The following CLDN10 variants were observed in gnomAD, a reference collection of about 807,000 sequenced individuals.
The protein encoded by CLDN10 is claudin-10.
In CLDN10, 15 loss-of-function variants were observed where a neutral mutation model predicts 22.9. The observed-to-expected ratio is 0.65, with a 90% CI of 0.44 to 1.01. The LOEUF (loss-of-function observed/expected upper bound fraction) is 1.01, where lower values mean the gene tolerates loss of function less well. Ranked by LOEUF, CLDN10 falls within the 50% of genes least tolerant of loss-of-function variation. The pLI is 0.00. For synonymous variants in CLDN10, 114 were observed against 111.4 expected (o/e 1.02, Z -0.15); for missense variants, 247 against 287.8 (o/e 0.86, Z 1.03).
At chr13:95,460,640 T>A (rs902264386) in intron 1 of CLDN10, among the ~76,000 whole-genome samples, 1 of 152,114 alleles carries the variant, frequency 6.6e-6, no homozygotes, top group Non-Finnish European at 1.5e-5. Context: ...TGTGAAGATT[T>A]TACGAGGATT....
intron 1 of CLDN10, among the ~76,000 whole-genome samples, chr13:95,458,999 G>T (rs1323153536): frequency 1.3e-5 from 2 of 152,172 alleles, no homozygotes; most frequent in African/African-American, 4.8e-5. Flanking sequence ...AAACAAAGGG[G>T]CTACAGACCC....
chr13:95,563,132 CTCTG>C (rs1555300143), intron 3 of CLDN10, among the ~76,000 whole-genome samples: 24 of 142,154 alleles, frequency 1.7e-4, no homozygotes, highest in Non-Finnish European at 3.0e-4. Flanking sequence ...CTCTCTCTCT[CTCTG>C]TCTGTATTCT....
chr13:95,501,444 G>C (rs1353103071), intron 1 of CLDN10, among the ~76,000 whole-genome samples: 1 of 152,208 alleles, frequency 6.6e-6, no homozygotes, highest in Non-Finnish European at 1.5e-5. Context: ...CTCCCAAGTA[G>C]CTGGGACTAC....
chr13:95,499,892 A>T (rs1163424812), intron 1 of CLDN10, among the ~76,000 whole-genome samples: 1 of 152,238 alleles, frequency 6.6e-6, no homozygotes, highest in Non-Finnish European at 1.5e-5. Flanking sequence ...CACATAAAAT[A>T]CATGAACACT....
intron 1 of CLDN10, among the ~76,000 whole-genome samples, chr13:95,480,194 C>T (rs183335777): frequency 1.3e-5 from 2 of 150,300 alleles, no homozygotes; most frequent in Non-Finnish European, 2.9e-5. Context: ...TGACCCGCCC[C>T]CATGATTCAA....
chr13:95,525,043 G>A (rs1029131684), intron 1 of CLDN10, among the ~76,000 whole-genome samples: 1 of 151,656 alleles, frequency 6.6e-6, no homozygotes, highest in African/African-American at 2.4e-5. Context: ...ATTTTTAGTA[G>A]AGACGGGGTT....
At chr13:95,465,003 A>C (rs199953212) in intron 1 of CLDN10, among the ~76,000 whole-genome samples, 2 of 152,164 alleles carry the variant, frequency 1.3e-5, no homozygotes, top group African/African-American at 4.8e-5. Context: ...CTAGGGTAAC[A>C]GGTTGTATTA....
chr13:95,559,215 T>C (rs2043674768), intron 1 of CLDN10, among the ~76,000 whole-genome samples: 1 of 152,214 alleles, frequency 6.6e-6, no homozygotes, highest in Non-Finnish European at 1.5e-5. Flanking sequence ...TGTTTCAGGC[T>C]GAAATGAAAA....
At chr13:95,457,942 C>CA (rs1255431776) in intron 1 of CLDN10, among the ~76,000 whole-genome samples, 11 of 152,104 alleles carry the variant, frequency 7.2e-5, no homozygotes, top group African/African-American at 2.7e-4. Flanking sequence ...CAATAATGAA[C>CA]ATTCATTTCT....
chr13:95,530,239 G>GATTTAAATAA (rs1195959980), intron 1 of CLDN10, among the ~76,000 whole-genome samples: 4 of 152,178 alleles, frequency 2.6e-5, no homozygotes, highest in South Asian at 2.1e-4. Flanking sequence ...CCATCTCACA[G>GATTTAAATAA]AATCCATTTC....
chr13:95,541,585 A>AT (rs1566326694), intron 1 of CLDN10, among the ~76,000 whole-genome samples: 1 of 151,938 alleles, frequency 6.6e-6, no homozygotes, highest in Non-Finnish European at 1.5e-5. Context: ...CTCCCATTGC[A>AT]TTTTTTATTA....
intron 1 of CLDN10, among the ~76,000 whole-genome samples, chr13:95,511,751 G>T (rs1264080289): frequency 2.0e-5 from 2 of 100,758 alleles, no homozygotes; most frequent in African/African-American, 7.2e-5. Flanking sequence ...GTCATCTTAG[G>T]CAAAGATTCT....
chr13:95,565,238 A>G (rs2043769816), intron 3 of CLDN10, among the ~76,000 whole-genome samples: 1 of 152,040 alleles, frequency 6.6e-6, no homozygotes. Flanking sequence ...TTGTTTTGTT[A>G]TCCAAACCAC....
At position 95,463,284 on chromosome 13, in the gene CLDN10, T is replaced by TA. The variant is rs1176963541; in HGVS notation, c.214+29239dup. 6.9e-3 allele frequency among the ~76,000 whole-genome samples: 224 copies of TA among 32,520 alleles called. 12 individuals are homozygous for TA. The highest frequency in any genetic ancestry group is 0.016 in the South Asian group (12 of 732). The allele number at this position is 32,520 out of a possible 152,430, so 21.3% of individuals were successfully genotyped here. On this transcript the variant is annotated intron_variant, in intron 1 of 4. Transcript: ENST00000376873. ...TAGTTGAGTCAAAAGTGCAAATGCT[T>TA]AATATATATATATATATATATATAT... is the stretch of plus-strand genomic sequence containing the variant.
chr13:95,486,269 T>C (rs983246571), intron 1 of CLDN10, among the ~76,000 whole-genome samples: 2 of 152,152 alleles, frequency 1.3e-5, no homozygotes, highest in African/African-American at 4.8e-5. Flanking sequence ...CAAGATGCAA[T>C]AGGCGCATTT....
rs201303745 is a variant in CLDN10 at position 95,469,442 on chromosome 13, AGCT to A, written c.214+35396_214+35398del. 9.8e-3 allele frequency among the ~76,000 whole-genome samples: 1,497 copies of A among 152,288 alleles called. 19 individuals are homozygous for A. The highest frequency in any genetic ancestry group is 0.034 in the African/African-American group (1,407 of 41,552). On this transcript the variant is annotated intron_variant, in intron 1 of 4. Transcript: ENST00000376873. The stretch of plus-strand genomic sequence containing the variant: ...GGATGAGAGTTAAATTCACTCATGA[AGCT>A]TTTGTCTTTAGGAGGAAAATGTAAA...
Position 95,560,479 on chromosome 13 carries a change from A to G in CLDN10, c.464+16A>G, listed in dbSNP as rs201430734. On this transcript the variant is annotated intron_variant, in intron 3 of 4. Transcript: ENST00000299339. ...TTGAGCAAAAGTAAGTACTCTTCTC[A>G]GTCTGTTTCCAGCTCACAGGAAGTG... The G allele has an allele frequency of 9.5e-5, 150 of 1,586,698 alleles. No homozygotes were observed. Among genetic ancestry groups the G allele is most frequent in the Non-Finnish European group, 1.2e-4 (144 of 1,155,600 alleles).
At chr13:95,560,319 A>G in intron 2 of CLDN10, 26 bp downstream of exon 2, 1 of 1,613,808 alleles carries the variant, frequency 6.2e-7, no homozygotes, top group South Asian at 1.1e-5. Context: ...CTTCCAAACA[A>G]GGTACTTGAT....
chr13:95,437,640 G>T (rs2042285137), intron 1 of CLDN10, among the ~76,000 whole-genome samples: 1 of 152,168 alleles, frequency 6.6e-6, no homozygotes, highest in Non-Finnish European at 1.5e-5. Context: ...CAAAATGACT[G>T]AATTAACCAA....
Sources: allele counts gnomAD v4.1 joint callset (sites outside exome capture counted in the v4.1 genomes callset), GRCh38; gene constraint gnomAD v4.1.1; transcripts MANE v1.5; gene names NCBI Gene and HGNC (gene_info 2026-07-23, HGNC 2026-07-21).